The following ADGRD1 variants were observed in gnomAD, a reference collection of about 807,000 sequenced individuals.
ADGRD1 encodes the protein adhesion G protein-coupled receptor D1.
In ADGRD1, 77 loss-of-function variants were observed where a neutral mutation model predicts 113.4. The observed-to-expected ratio is 0.68, with a 90% CI of 0.57 to 0.82. ADGRD1 has a LOEUF of 0.82. Ranked by LOEUF, ADGRD1 falls within the 40% of genes least tolerant of loss-of-function variation. The pLI is 0.00. For missense variants in ADGRD1, 1,036 were observed against 1,139.1 expected (o/e 0.91, Z 1.30); for synonymous variants, 474 against 475.0 (o/e 1.00, Z 0.03).
chr12:130,955,881 C>T (rs938057917), intron 2 of ADGRD1, among the ~76,000 whole-genome samples: 5 of 152,212 alleles, frequency 3.3e-5, no homozygotes, highest in Admixed American at 6.5e-5. Flanking sequence ...CTCTGCCTCC[C>T]GGGTTCAAGC....
intron 16 of ADGRD1, 42 bp downstream of exon 16, chr12:131,104,976 C>T (rs774689313): frequency 1.5e-6 from 2 of 1,312,300 alleles, no homozygotes; most frequent in Non-Finnish European, 2.1e-6. Flanking sequence ...CTCTCGGCCC[C>T]TGCCTGCACC....
chr12:131,014,081 C>G lies in ADGRD1; in HGVS notation c.1332-118C>G, dbSNP rs1878258245. 3 of 997,946 alleles carry G rather than the reference C, an allele frequency of 3.0e-6. No homozygotes were observed. The East Asian group carries it at 7.6e-5, about 25-fold the overall frequency. 61.8% of individuals were successfully genotyped at this position (997,946 alleles called of 1,614,324 possible). ...TGAATGAAAGAAATCAAAGCTTCATCCAAAGAAGATTTCCGTCTCAATAGT... is the reference window on the plus strand; with the variant it reads ...TGAATGAAAGAAATCAAAGCTTCATGCAAAGAAGATTTCCGTCTCAATAGT... On this transcript the variant is annotated intron_variant, in intron 12 of 24. Coordinates refer to ENST00000261654, the MANE Select transcript of ADGRD1 (RefSeq NM_198827.5).
chr12:130,993,443 CAA>C (rs1475351754), intron 8 of ADGRD1, among the ~76,000 whole-genome samples: 2 of 149,782 alleles, frequency 1.3e-5, no homozygotes, highest in Non-Finnish European at 3.0e-5. Context: ...GCAGGATGAC[CAA>C]GTGCTAATAC....
rs138793615 is a variant in ADGRD1, at chr12:131,113,952, A to G, written c.2042-4433A>G. Among the ~76,000 whole-genome samples, 378 of 152,262 alleles carry G rather than the reference A, an allele frequency of 2.5e-3. No individual in the cohort carries two copies. Among genetic ancestry groups the G allele is most frequent in the African/African-American group, 8.8e-3 (365 of 41,528 alleles). ...AGAGTTTATTATAGTTTCTTTATGGATACAGTCATGTAATTTAGAGGCATA... is the reference window on the plus strand; with the variant it reads ...AGAGTTTATTATAGTTTCTTTATGGGTACAGTCATGTAATTTAGAGGCATA... On this transcript the variant is annotated intron_variant, in intron 18 of 24. Transcript: ENST00000261654. This position sits in a 1 kb window ranked among gnomAD's most constrained non-coding sequence, Gnocchi z 4.9.
chr12:131,068,246 A>C (rs908107321), intron 13 of ADGRD1, among the ~76,000 whole-genome samples: 18 of 152,134 alleles, frequency 1.2e-4, no homozygotes, highest in African/African-American at 4.3e-4. Flanking sequence ...TCTGTTCTGG[A>C]AACCCGTGTT....
intron 16 of ADGRD1, 94 bp downstream of exon 16, chr12:131,105,028 G>T (rs1334221597): frequency 1.0e-5 from 9 of 868,338 alleles, no homozygotes; most frequent in African/African-American, 1.7e-5. Context: ...GGGAGGGGCT[G>T]TGGAGGTAAG....
rs887949305 is a variant in ADGRD1, at chr12:131,085,525, G to A, written c.1671+862G>A. 4.3e-4 allele frequency among the ~76,000 whole-genome samples: 65 copies of A among 152,276 alleles called. 1 individual carries two copies. Among genetic ancestry groups the A allele is most frequent in the Non-Finnish European group, 4.4e-5 (3 of 68,028 alleles). ...AGCCTTTGGAGAGCTGTGCCTGGGA[G>A]CAGCTTGGTCTGAGCTACCCTGGGT... On this transcript the variant is annotated intron_variant, in intron 15 of 24. Coordinates refer to ENST00000261654, the MANE Select transcript of ADGRD1 (RefSeq NM_198827.5).
intron 13 of ADGRD1, among the ~76,000 whole-genome samples, chr12:131,066,420 C>T (rs905708187): frequency 2.6e-5 from 4 of 152,102 alleles, no homozygotes; most frequent in African/African-American, 9.7e-5. Flanking sequence ...GGGCGGTGGC[C>T]CTGTCCGTTC....
intron 5 of ADGRD1, chr12:130,986,823 A>T: frequency 2.4e-6 from 1 of 420,808 alleles, no homozygotes; most frequent in South Asian, 3.4e-5. Context: ...GCTTGTGGGC[A>T]TTTGAATTTG....
Position 131,060,977 on chromosome 12 carries a change from G to A in ADGRD1, c.1474-15824G>A, listed in dbSNP as rs995006652. Among the ~76,000 whole-genome samples the A allele has an allele frequency of 6.6e-6, 1 of 152,060 alleles. No individual in the cohort carries two copies. The highest frequency in any genetic ancestry group is 6.5e-5 in the Admixed American group (1 of 15,280). On this transcript the variant is annotated intron_variant, in intron 13 of 24. Transcript: ENST00000261654. This position sits in a 1 kb window ranked among gnomAD's most constrained non-coding sequence, Gnocchi z 4.4. ...TCCCTCCTCCTGGGGTGCATTTTACGTAACACTGTTCAGACCTGGACACCC... is the reference window on the plus strand; with the variant it reads ...TCCCTCCTCCTGGGGTGCATTTTACATAACACTGTTCAGACCTGGACACCC...
At chr12:131,136,805 A>G (rs1951099084) in intron 22 of ADGRD1, among the ~76,000 whole-genome samples, 168 bp from the exon 23 acceptor site, 1 of 152,194 alleles carries the variant, frequency 6.6e-6, no homozygotes. Flanking sequence ...AGGTTGGATC[A>G]TGGTGGGACC....
chr12:131,013,990 AAACACAG>A (rs1189456193), intron 12 of ADGRD1, among the ~76,000 whole-genome samples: 6 of 152,246 alleles, frequency 3.9e-5, no homozygotes, highest in African/African-American at 1.4e-4. Context: ...GACAGAGTTA[AAACACAG>A]AATAGTTGAA....
intron 5 of ADGRD1, among the ~76,000 whole-genome samples, chr12:130,982,901 C>A (rs566649292): frequency 6.6e-6 from 1 of 152,194 alleles, no homozygotes; most frequent in East Asian, 1.9e-4. Flanking sequence ...TGGAGCCCAA[C>A]AAGGGAAGGG....
At chr12:130,959,287 G>C (rs1870070829) in intron 2 of ADGRD1, among the ~76,000 whole-genome samples, 1 of 152,174 alleles carries the variant, frequency 6.6e-6, no homozygotes. Context: ...ATAAATATTT[G>C]TTGGGCTGGC....
chr12:130,954,401 A>T lies in ADGRD1; in HGVS notation c.-65A>T. 2.2e-6 allele frequency: 3 copies of T among 1,354,620 alleles called. No homozygotes were observed. The highest frequency in any genetic ancestry group is 3.0e-6 in the Non-Finnish European group (3 of 990,914). 83.9% of individuals were successfully genotyped at this position (1,354,620 alleles called of 1,614,324 possible). A position where few individuals can be genotyped will look rare whatever the true frequency, so the allele number is the denominator to read the frequency against. On this transcript the variant is annotated 5_prime_UTR_variant, in exon 1 of 25. Coordinates refer to ENST00000261654, the MANE Select transcript of ADGRD1 (RefSeq NM_198827.5). The surrounding 1 kb of genome is among the most constrained non-coding windows in gnomAD (Gnocchi z 4.7). ...CTTTTCCAAGGAAGTGAAGGTTAAG[A>T]GGTCCCGTTCTCACAGACCCTCAGG...
chr12:131,061,201 G>A (rs995475108), intron 13 of ADGRD1, among the ~76,000 whole-genome samples: 1 of 152,204 alleles, frequency 6.6e-6, no homozygotes, highest in Non-Finnish European at 1.5e-5. Context: ...AAGTCCCTGT[G>A]TTCCCACCCC....
At chr12:130,997,998 T>C (rs1875831144) in intron 8 of ADGRD1, among the ~76,000 whole-genome samples, 1 of 151,890 alleles carries the variant, frequency 6.6e-6, no homozygotes, top group South Asian at 2.1e-4. Context: ...GGTTAGGAGC[T>C]GGAGACCAGC....
At chr12:131,117,912 T>G (rs900132810) in intron 18 of ADGRD1, among the ~76,000 whole-genome samples, 10 of 152,204 alleles carry the variant, frequency 6.6e-5, no homozygotes, top group Non-Finnish European at 4.4e-5. Flanking sequence ...TGTGGGGCAG[T>G]CTTGTGCATT....
At chr12:131,008,153 G>A (rs892055631) in intron 12 of ADGRD1, among the ~76,000 whole-genome samples, 1 of 152,202 alleles carries the variant, frequency 6.6e-6, no homozygotes, top group African/African-American at 2.4e-5. Context: ...GTAGGGCTTG[G>A]TTTTCTTAAA....
Sources: allele counts gnomAD v4.1 joint callset (sites outside exome capture counted in the v4.1 genomes callset), GRCh38; gene constraint gnomAD v4.1.1; non-coding constraint Gnocchi (gnomAD v3.1); transcripts MANE v1.5; gene names NCBI Gene and HGNC (gene_info 2026-07-23, HGNC 2026-07-21).